The following CFAP299 variants were observed in gnomAD, a reference collection of about 807,000 sequenced individuals.
CFAP299 encodes the protein cilia and flagella associated protein 299.
A neutral mutation model predicts 27.0 loss-of-function variants in CFAP299; 21 were observed. The observed-to-expected ratio is 0.78, with a 90% CI of 0.55 to 1.12. The LOEUF (loss-of-function observed/expected upper bound fraction) is 1.12. CFAP299 is among the 50% of genes most tolerant of loss of function. The pLI is 0.00. For missense variants in CFAP299, 310 were observed against 276.6 expected (o/e 1.12, Z -0.86); for synonymous variants, 104 against 98.1 (o/e 1.06, Z -0.36).
At chr4:80,548,195 G>A (rs754503785) in intron 2 of CFAP299, among the ~76,000 whole-genome samples, 12 of 152,102 alleles carry the variant, frequency 7.9e-5, no homozygotes, top group East Asian at 1.9e-4. Context: ...CTTAGCAGCC[G>A]TGAAAAAGAA....
At chr4:80,958,066 C>A (rs1738155360) in intron 5 of CFAP299, among the ~76,000 whole-genome samples, 1 of 152,098 alleles carries the variant, frequency 6.6e-6, no homozygotes, top group Non-Finnish European at 1.5e-5. Flanking sequence ...TGTCGTCCTG[C>A]TGCTAGAAAA....
intron 2 of CFAP299, among the ~76,000 whole-genome samples, chr4:80,573,453 G>GT (rs1735694125): frequency 1.3e-5 from 2 of 152,060 alleles, no homozygotes; most frequent in African/African-American, 2.4e-5. Context: ...TTGTGCAGAA[G>GT]CTTTTTGACT....
intron 2 of CFAP299, among the ~76,000 whole-genome samples, chr4:80,510,587 C>T (rs566738368): frequency 2.0e-4 from 30 of 152,136 alleles, no homozygotes; most frequent in Non-Finnish European, 4.1e-4. Context: ...TGAGCATTCC[C>T]GCAACAGTAC....
chr4:80,721,845 C>A (rs1332536806), intron 3 of CFAP299, among the ~76,000 whole-genome samples: 1 of 152,094 alleles, frequency 6.6e-6, no homozygotes, highest in African/African-American at 2.4e-5. Context: ...ACCTAGAATT[C>A]TTTACCCAAT....
At chr4:80,448,903 A>AT (rs1487806019) in intron 2 of CFAP299, among the ~76,000 whole-genome samples, 1 of 152,218 alleles carries the variant, frequency 6.6e-6, no homozygotes. Flanking sequence ...TGAGGTAGTT[A>AT]TAGATCTTGG....
intron 3 of CFAP299, among the ~76,000 whole-genome samples, chr4:80,745,870 T>A (rs1724554776): frequency 6.6e-6 from 1 of 152,082 alleles, no homozygotes; most frequent in South Asian, 2.1e-4. Flanking sequence ...TTTTAAGGGG[T>A]ACTAGTGAGG....
At chr4:80,775,241 G>A (rs1395016890) in intron 3 of CFAP299, among the ~76,000 whole-genome samples, 2 of 151,672 alleles carry the variant, frequency 1.3e-5, no homozygotes, top group South Asian at 2.1e-4. Flanking sequence ...CTAACATAGG[G>A]ATATATTTGT....
chr4:80,945,693 A>T (rs1007592661), intron 5 of CFAP299, among the ~76,000 whole-genome samples: 2 of 152,208 alleles, frequency 1.3e-5, no homozygotes, highest in Non-Finnish European at 2.9e-5. Flanking sequence ...AGATTCTTTC[A>T]TAGTAAAATA....
intron 4 of CFAP299, among the ~76,000 whole-genome samples, chr4:80,913,115 A>G (rs1186104632): frequency 6.6e-6 from 1 of 152,198 alleles, no homozygotes; most frequent in Admixed American, 6.5e-5. Flanking sequence ...TCCTCCCTGC[A>G]TCTAAGGACA....
chr4:80,416,100 T>C (rs1726987895), intron 2 of CFAP299, among the ~76,000 whole-genome samples: 1 of 152,208 alleles, frequency 6.6e-6, no homozygotes, highest in African/African-American at 2.4e-5. Context: ...CCTGAAAAGC[T>C]GTTGAAAGCA....
At chr4:80,602,853 C>A (rs1409920438) in intron 3 of CFAP299, among the ~76,000 whole-genome samples, 1 of 152,148 alleles carries the variant, frequency 6.6e-6, no homozygotes, top group Non-Finnish European at 1.5e-5. Context: ...AGGCCCTTCT[C>A]TGCTGGAACA....
chr4:80,355,142 AATGT>A (rs898717358), intron 1 of CFAP299, among the ~76,000 whole-genome samples: 3 of 152,066 alleles, frequency 2.0e-5, no homozygotes, highest in Non-Finnish European at 4.4e-5. Context: ...TCCCACCAAC[AATGT>A]ATAAGTGTTC....
In CFAP299 at chr4:80,924,410, T is replaced by C. The variant is rs141627294; in HGVS notation, c.477-20400T>C. On this transcript the variant is annotated intron_variant, in intron 4 of 5. Transcript: ENST00000358105. ...TTGCTGTTACTTGTGGCAGACCAAG[T>C]TGAAGTCAGAATTTGGCCTCCTGAT... is the stretch of plus-strand genomic sequence containing the variant. 1.6e-4 allele frequency among the ~76,000 whole-genome samples: 25 copies of C among 151,810 alleles called. No individual in the cohort carries two copies. The South Asian group carries it at 4.2e-3, about 25-fold the overall frequency.
chr4:80,333,231 G>A (rs1722004077), upstream of CFAP299, among the ~76,000 whole-genome samples: 1 of 152,166 alleles, frequency 6.6e-6, no homozygotes, highest in Non-Finnish European at 1.5e-5. Flanking sequence ...CTGTGAGGAA[G>A]TCCAGCGATC....
At chr4:80,371,583 G>A (rs1724154875) in intron 2 of CFAP299, among the ~76,000 whole-genome samples, 1 of 152,170 alleles carries the variant, frequency 6.6e-6, no homozygotes, top group Admixed American at 6.5e-5. Context: ...TATCCTGAAT[G>A]CTTTGTGCTT....
At chr4:80,796,422 T>G (rs1364821468) in intron 3 of CFAP299, among the ~76,000 whole-genome samples, 1 of 152,202 alleles carries the variant, frequency 6.6e-6, no homozygotes, top group Admixed American at 6.5e-5. Flanking sequence ...GTGTGATATC[T>G]TGCAGAAGTG....
At chr4:80,952,616 C>A (rs1737841307) in intron 5 of CFAP299, among the ~76,000 whole-genome samples, 2 of 152,026 alleles carry the variant, frequency 1.3e-5, no homozygotes, top group Non-Finnish European at 2.9e-5. Flanking sequence ...ATGTCAAATT[C>A]TTTCTTTTTC....
intron 2 of CFAP299, among the ~76,000 whole-genome samples, chr4:80,373,395 G>C (rs1375695940): frequency 6.6e-6 from 1 of 152,086 alleles, no homozygotes; most frequent in Non-Finnish European, 1.5e-5. Context: ...TGGGGGAGAA[G>C]AGAATCACTG....
At chr4:80,755,504 G>A (rs2110074082) in intron 3 of CFAP299, among the ~76,000 whole-genome samples, 2 of 152,170 alleles carry the variant, frequency 1.3e-5, no homozygotes, top group South Asian at 4.1e-4. Flanking sequence ...AGACTTCTTA[G>A]AGGATTCTAC....
Sources: gnomAD v4.1 joint callset for allele counts (sites outside exome capture counted in the v4.1 genomes callset) on GRCh38, gnomAD v4.1.1 for gene constraint, MANE v1.5 for transcripts, NCBI Gene and HGNC (gene_info 2026-07-23, HGNC 2026-07-21) for gene names.